Variants in LRCH1 observed in about 807,000 individuals in gnomAD.
LRCH1 encodes leucine rich repeats and calponin homology domain containing 1.
Under a neutral mutation model 94.9 loss-of-function variants are expected in LRCH1, and 23 were observed. That is an observed-to-expected ratio of 0.24 (90% confidence interval 0.17 to 0.34). The LOEUF (loss-of-function observed/expected upper bound fraction) is 0.34. Among genes scored for constraint, LRCH1 ranks in the 10% least tolerant of loss-of-function variants. The probability of loss-of-function intolerance (pLI) is 1.00; values close to 1 mark genes in which losing one functional copy is unlikely to be tolerated. For missense variants in LRCH1, 790 were observed against 945.9 expected (o/e 0.84, Z 2.16); for synonymous variants, 364 against 354.9 (o/e 1.03, Z -0.29).
intron 1 of LRCH1, among the ~76,000 whole-genome samples, chr13:46,641,000 C>T (rs904146859): frequency 1.3e-5 from 2 of 152,130 alleles, no homozygotes; most frequent in African/African-American, 4.8e-5. Context: ...ACCCTGGAAG[C>T]GTTGGGTTGT....
chr13:46,701,577 G>A (rs1203798686), intron 11 of LRCH1, among the ~76,000 whole-genome samples: 1 of 152,114 alleles, frequency 6.6e-6, no homozygotes, highest in East Asian at 1.9e-4. Flanking sequence ...TTTCCAAAAA[G>A]GAAAGAATTG....
intron 2 of LRCH1, among the ~76,000 whole-genome samples, chr13:46,656,790 T>C (rs1374000989): frequency 6.6e-6 from 1 of 152,218 alleles, no homozygotes; most frequent in Non-Finnish European, 1.5e-5. Flanking sequence ...TTATAAATTA[T>C]TGTGCCTGTA....
chr13:46,729,306 G>A (rs1407015800), intron 18 of LRCH1, among the ~76,000 whole-genome samples: 2 of 152,172 alleles, frequency 1.3e-5, no homozygotes, highest in Admixed American at 6.5e-5. Context: ...GGGAGGCCAA[G>A]GTGGGTGGAT....
At position 46,705,270 on chromosome 13, in the gene LRCH1, G is replaced by T. The variant is rs773792845; in HGVS notation, c.1493G>T (p.Gly498Val). ...ALELQDSALN[G>V]QIQLETSPVC... ...TTTTTCTTTCCTTGTTCTCACAGTG[G>T]TCAAATACAGCTGGAGACATCTCCG... The change falls in exon 13 of 20, where the codon GGT becomes GTT. Residue 498 changes from glycine to valine, a missense_variant and splice_region_variant. By Grantham distance (109) the Gly-to-Val change is moderately radical. Around this residue, in one of 3 missense-constraint regions of LRCH1, gnomAD observed 460 missense variants for 508.9 expected, o/e 0.90. Transcript: ENST00000389797. 4 of 1,613,060 alleles carry T rather than the reference G, an allele frequency of 2.5e-6. No individual in the cohort carries two copies. The highest frequency in any genetic ancestry group is 1.1e-5 in the South Asian group (1 of 90,954).
intron 1 of LRCH1, among the ~76,000 whole-genome samples, chr13:46,641,669 C>T (rs757048929): frequency 1.3e-5 from 2 of 152,170 alleles, no homozygotes; most frequent in Non-Finnish European, 2.9e-5. Context: ...CATGGCTGCT[C>T]GATGGCTCTG....
intron 8 of LRCH1, among the ~76,000 whole-genome samples, chr13:46,693,493 G>A (rs754042913): frequency 1.1e-4 from 17 of 152,184 alleles, no homozygotes; most frequent in Non-Finnish European, 1.0e-4. Flanking sequence ...TGGCCACATC[G>A]CACTGCACAT....
chr13:46,711,228 G>A (rs1872047028), intron 13 of LRCH1, among the ~76,000 whole-genome samples: 1 of 152,122 alleles, frequency 6.6e-6, no homozygotes, highest in Admixed American at 6.5e-5. Context: ...AAATCGGGAT[G>A]TCATCTTGAC....
At chr13:46,745,008 G>GA, downstream of LRCH1, 7 of 704,184 alleles carry the variant, frequency 9.9e-6, no homozygotes, top group Non-Finnish European at 1.0e-5. Flanking sequence ...AATATTGAAT[G>GA]AGCAATCTCT....
chr13:46,738,138 A>G (rs1873478058), intron 19 of LRCH1, among the ~76,000 whole-genome samples: 1 of 152,212 alleles, frequency 6.6e-6, no homozygotes, highest in African/African-American at 2.4e-5. Context: ...GATAGAGAAG[A>G]AGATTAAAGG....
intron 1 of LRCH1, among the ~76,000 whole-genome samples, chr13:46,580,411 T>A (rs1307821040): frequency 6.6e-6 from 1 of 152,238 alleles, no homozygotes; most frequent in Non-Finnish European, 1.5e-5. Flanking sequence ...GCAGTATGCA[T>A]CCTACCCAGC....
At chr13:46,750,627 G>A (rs201299559) in exon 19 of LRCH1, 1,114 of 1,551,418 alleles carry the variant, frequency 7.2e-4, no homozygotes, top group African/African-American at 1.7e-3. Flanking sequence ...AGACATCACC[G>A]TAACGAAGGC....
intron 1 of LRCH1, among the ~76,000 whole-genome samples, chr13:46,580,625 A>G (rs557450890): frequency 2.6e-5 from 4 of 152,190 alleles, no homozygotes; most frequent in Non-Finnish European, 5.9e-5. Flanking sequence ...TTGTATGACA[A>G]ACTCTTTTGT....
chr13:46,563,305 A>G (rs896004825), intron 1 of LRCH1, among the ~76,000 whole-genome samples: 2 of 152,142 alleles, frequency 1.3e-5, no homozygotes, highest in African/African-American at 4.8e-5. Context: ...AACAAGTATT[A>G]TTTCACCAAA....
intron 3 of LRCH1, among the ~76,000 whole-genome samples, chr13:46,672,524 A>G (rs1368936065): frequency 6.6e-6 from 1 of 152,134 alleles, no homozygotes; most frequent in African/African-American, 2.4e-5. Context: ...CAGGTGGCAC[A>G]TGTGCTGAGC....
At chr13:46,645,724 T>G (rs979308399) in intron 1 of LRCH1, among the ~76,000 whole-genome samples, 1 of 152,236 alleles carries the variant, frequency 6.6e-6, no homozygotes, top group African/African-American at 2.4e-5. Context: ...ATTAATTTTA[T>G]GTCCCATTGT....
chr13:46,646,160 A>C (rs1456707217), intron 1 of LRCH1, among the ~76,000 whole-genome samples: 1 of 152,206 alleles, frequency 6.6e-6, no homozygotes, highest in East Asian at 1.9e-4. Context: ...ATTTTCCTTA[A>C]TTTAATATGA....
chr13:46,661,511 AAAGT>A (rs1444023787), intron 2 of LRCH1, among the ~76,000 whole-genome samples: 2 of 152,224 alleles, frequency 1.3e-5, no homozygotes, highest in African/African-American at 4.8e-5. Context: ...GTATTTGAGT[AAAGT>A]AAGTGGATTT....
chr13:46,696,715 A>C (rs842402), intron 9 of LRCH1, among the ~76,000 whole-genome samples: 119,058 of 152,132 alleles, frequency 0.78, 46,636 homozygotes, highest in African/African-American at 0.84. Context: ...CAAGTTAAGG[A>C]AAAATTGTGC....
chr13:46,668,825 A>AT (rs567146703), intron 2 of LRCH1, among the ~76,000 whole-genome samples: 1,498 of 90,568 alleles, frequency 0.017, 11 homozygotes, highest in Admixed American at 0.022. Flanking sequence ...TTTATTTTTT[A>AT]TTTTTTTTTA....
Sources: gnomAD v4.1 joint callset for allele counts (sites outside exome capture counted in the v4.1 genomes callset) on GRCh38, gnomAD v4.1.1 for gene constraint, gnomAD v4.1.1 regional missense constraint, MANE v1.5 for transcripts, NCBI Gene and HGNC (gene_info 2026-07-23, HGNC 2026-07-21) for gene names.